Variants in ZFHX3 observed in about 807,000 individuals in gnomAD.
The protein encoded by ZFHX3 is zinc finger homeobox protein 3.
ZFHX3 carries 42 observed loss-of-function variants against 279.1 expected under a neutral mutation model. That is an observed-to-expected ratio of 0.15 (90% CI 0.12 to 0.19). The LOEUF is 0.19. Among genes scored for constraint, ZFHX3 ranks in the 10% least tolerant of loss-of-function variants. The probability of loss-of-function intolerance (pLI) is 1.00; values close to 1 mark genes in which losing one functional copy is unlikely to be tolerated. For missense variants in ZFHX3, 4,981 were observed against 4,754.0 expected (o/e 1.05, Z -1.40); for synonymous variants, 2,293 against 1,957.8 (o/e 1.17, Z -4.52).
chr16:73,509,990 C>T (rs1355495957), intron 2 of ZFHX3, among the ~76,000 whole-genome samples: 2 of 152,182 alleles, frequency 1.3e-5, no homozygotes, highest in African/African-American at 2.4e-5. Flanking sequence ...GCCATCACGC[C>T]CGGCCTTTGC....
At chr16:72,828,565 G>A (rs2143713835) in intron 5 of ZFHX3, among the ~76,000 whole-genome samples, 1 of 152,286 alleles carries the variant, frequency 6.6e-6, no homozygotes, top group East Asian at 1.9e-4. Flanking sequence ...TCCCCTTTGG[G>A]TGGATTTCAG....
At chr16:73,867,004 T>A (rs373616553) in intron 1 of ZFHX3, among the ~76,000 whole-genome samples, 3 of 152,052 alleles carry the variant, frequency 2.0e-5, no homozygotes, top group African/African-American at 7.2e-5. Context: ...GCATCTCACG[T>A]CGTCTTGTGC....
Position 73,394,121 on chromosome 16 carries a change from T to C in ZFHX3, c.-1291+61882A>G, listed in dbSNP as rs532207341. Among the ~76,000 whole-genome samples the C allele has an allele frequency of 3.3e-5, 5 of 151,134 alleles. No individual in the cohort carries two copies. The East Asian group carries it at 9.7e-4, about 29-fold the overall frequency. ...TTGATTTCACCACCAGTTCCTCTGA[T>C]TTATTAGGATTAAGACCAGATTTAG... On this transcript the variant is annotated intron_variant, in intron 3 of 17. Transcript: ENST00000641206.
chr16:72,957,659 C>A lies in ZFHX3; in HGVS notation c.2487G>T (p.Met829Ile), dbSNP rs770242408. 6.2e-6 allele frequency: 10 copies of A among 1,614,178 alleles called. No homozygotes were observed. Among genetic ancestry groups the A allele is most frequent in the Non-Finnish European group, 7.6e-6 (9 of 1,180,042 alleles). The change falls in exon 2 of 10, where the codon ATG (methionine) becomes ATT (isoleucine). Residue 829 changes from methionine (M) to isoleucine (I), a missense_variant. Physicochemically the swap from Met to Ile is conservative, Grantham distance 10. This residue lies in a region of ZFHX3 where 1,751 missense variants were observed against 1,770.0 expected (regional missense o/e 0.99). Transcript: ENST00000268489. Reference protein sequence around the residue: ...LRIHMTSEKHMHNMMLLQQNM... With the variant: ...LRIHMTSEKHIHNMMLLQQNM... ...TCTGTTGCAGTAACATCATGTTATGCATGTGCTTCTCACTGGTCATGTGAA... is the reference window on the plus strand; with the variant it reads ...TCTGTTGCAGTAACATCATGTTATGAATGTGCTTCTCACTGGTCATGTGAA...
In ZFHX3 at chr16:72,795,024, A is replaced by C. The variant is rs2035850488; in HGVS notation, c.7658T>G (p.Phe2553Cys). The change falls in exon 9 of 10, where the codon TTC becomes TGC. Residue 2553 changes from phenylalanine (F) to cysteine (C), a missense_variant. Physicochemically the swap from Phe to Cys is radical, Grantham distance 205 (BLOSUM62 -2). Coordinates refer to ENST00000268489, the MANE Select transcript of ZFHX3 (RefSeq NM_006885.4). The part of the protein sequence containing the change: ...EHWQEHQQLH[F>C]LSAQNQFIHP... Reference sequence around the variant, plus strand: ...GATGAACTGGTTCTGCGCGCTCAGGAAGTGGAGCTGCTGATGCTCCTGCCA... The same window carrying C: ...GATGAACTGGTTCTGCGCGCTCAGGCAGTGGAGCTGCTGATGCTCCTGCCA... The C allele has an allele frequency of 6.2e-7, 1 of 1,614,064 alleles. No individual in the cohort carries two copies. The highest frequency in any genetic ancestry group is 1.3e-5 in the African/African-American group (1 of 74,930).
chr16:72,989,455 C>G (rs1318149222), intron 1 of ZFHX3, among the ~76,000 whole-genome samples: 1 of 151,254 alleles, frequency 6.6e-6, no homozygotes, highest in African/African-American at 2.4e-5. Flanking sequence ...GCACTCCAGC[C>G]TGGGCGACAG....
At chr16:72,998,279 T>C (rs1963365318) in intron 1 of ZFHX3, among the ~76,000 whole-genome samples, 1 of 152,086 alleles carries the variant, frequency 6.6e-6, no homozygotes, top group African/African-American at 2.4e-5. Context: ...TGCATGCCTG[T>C]AATCCCAGCT....
chr16:73,636,939 A>G (rs1052242166), intron 2 of ZFHX3, among the ~76,000 whole-genome samples: 2 of 152,118 alleles, frequency 1.3e-5, no homozygotes, highest in East Asian at 1.9e-4. Context: ...AAAAAAATAC[A>G]CAGGTTTGCC....
chr16:72,878,106 C>T (rs1363593260), intron 4 of ZFHX3, among the ~76,000 whole-genome samples: 1 of 152,058 alleles, frequency 6.6e-6, no homozygotes, highest in Non-Finnish European at 1.5e-5. Context: ...TCACTTGAGC[C>T]CAGGAGATGG....
At chr16:73,343,946 A>C (rs908270124) in intron 3 of ZFHX3, among the ~76,000 whole-genome samples, 1 of 152,212 alleles carries the variant, frequency 6.6e-6, no homozygotes, top group African/African-American at 2.4e-5. Flanking sequence ...ATAAATGTGA[A>C]ATGATGGAAT....
At chr16:72,953,143 G>A (rs568186548) in intron 2 of ZFHX3, among the ~76,000 whole-genome samples, 3 of 152,172 alleles carry the variant, frequency 2.0e-5, no homozygotes, top group South Asian at 2.1e-4. Flanking sequence ...TGAAGCTCAC[G>A]GACAGTCTAG....
intron 1 of ZFHX3, among the ~76,000 whole-genome samples, chr16:73,838,356 T>C (rs1961200639): frequency 6.6e-6 from 1 of 152,182 alleles, no homozygotes; most frequent in African/African-American, 2.4e-5. Flanking sequence ...TCTGTCATGT[T>C]TAATGGATTC....
intron 2 of ZFHX3, among the ~76,000 whole-genome samples, chr16:73,478,310 T>G (rs928095195): frequency 7.1e-6 from 1 of 141,186 alleles, no homozygotes; most frequent in Non-Finnish European, 1.5e-5. Context: ...CTAAAAGCCA[T>G]ATGACATGCC....
intron 4 of ZFHX3, among the ~76,000 whole-genome samples, chr16:73,268,040 C>A (rs2014029073): frequency 6.6e-6 from 1 of 152,102 alleles, no homozygotes; most frequent in Non-Finnish European, 1.5e-5. Context: ...TTTGATTTAC[C>A]CAGTATTTCC....
intron 3 of ZFHX3, among the ~76,000 whole-genome samples, chr16:73,362,895 A>G (rs1489282707): frequency 2.0e-5 from 3 of 152,276 alleles, no homozygotes; most frequent in African/African-American, 7.2e-5. Flanking sequence ...CTTAGTTTAT[A>G]TACAAGTAAG....
intron 2 of ZFHX3, among the ~76,000 whole-genome samples, chr16:73,673,962 C>T (rs2052929093): frequency 6.6e-6 from 1 of 152,048 alleles, no homozygotes. Context: ...TGACGAACAC[C>T]AAACAAAGCA....
intron 2 of ZFHX3, among the ~76,000 whole-genome samples, chr16:73,590,977 G>T (rs191721178): frequency 6.6e-6 from 1 of 152,178 alleles, no homozygotes; most frequent in Admixed American, 6.5e-5. Context: ...ACAAAATACA[G>T]GAACAAAGCA....
intron 2 of ZFHX3, among the ~76,000 whole-genome samples, chr16:73,501,212 G>A (rs973777365): frequency 3.9e-5 from 6 of 152,324 alleles, no homozygotes; most frequent in South Asian, 2.1e-4. Flanking sequence ...TAGCCTAGGC[G>A]TGTAGTAGGC....
At chr16:73,016,895 G>A (rs890401701) in intron 1 of ZFHX3, among the ~76,000 whole-genome samples, 1 of 151,442 alleles carries the variant, frequency 6.6e-6, no homozygotes. Context: ...AGAGTTTGCT[G>A]AACACTCCTT....
Sources: gnomAD v4.1 joint callset for allele counts (sites outside exome capture counted in the v4.1 genomes callset) on GRCh38, gnomAD v4.1.1 for gene constraint, gnomAD v4.1.1 regional missense constraint, MANE v1.5 for transcripts, NCBI Gene and HGNC (gene_info 2026-07-23, HGNC 2026-07-21) for gene names.